NAV2: variants seen among roughly 807,000 people sequenced by gnomAD.
NAV2 encodes neuron navigator 2.
Under a neutral mutation model 223.2 loss-of-function variants are expected in NAV2, and 54 were observed. That is an observed-to-expected ratio of 0.24 (90% CI 0.19 to 0.30). The LOEUF (loss-of-function observed/expected upper bound fraction) is 0.30. Among genes scored for constraint, NAV2 ranks in the 10% least tolerant of loss-of-function variants. NAV2 has a pLI of 1.00. For synonymous variants in NAV2, 1,279 were observed against 1,239.3 expected (o/e 1.03, Z -0.67); for missense variants, 2,806 against 3,147.5 (o/e 0.89, Z 2.60).
intron 1 of NAV2, among the ~76,000 whole-genome samples, chr11:19,733,679 G>A (rs529687020): frequency 7.9e-5 from 12 of 152,240 alleles, no homozygotes; most frequent in African/African-American, 2.6e-4. Context: ...GAGGAAAGAG[G>A]GTTTTTCAAG....
Position 19,587,057 on chromosome 11 carries a change from C to G in NAV2, c.75+236030C>G, listed in dbSNP as rs562068586. ...CGAGCTTCACGGCCGCTTTGTTTACCTACTCAAGCCTCAGCAATGGTGGAC... is the reference window on the plus strand; with the variant it reads ...CGAGCTTCACGGCCGCTTTGTTTACGTACTCAAGCCTCAGCAATGGTGGAC... On this transcript the variant is annotated intron_variant, in intron 1 of 37. Transcript: ENST00000360655. Among the ~76,000 whole-genome samples, 163 of 152,342 alleles carry G rather than the reference C, an allele frequency of 1.1e-3. 2 individuals carry two copies. The highest frequency in any genetic ancestry group is 4.5e-3 in the Admixed American group (69 of 15,308).
chr11:19,679,651 G>A (rs2048823292), intron 1 of NAV2, among the ~76,000 whole-genome samples: 1 of 152,076 alleles, frequency 6.6e-6, no homozygotes, highest in African/African-American at 2.4e-5. Context: ...GTCCTTTAGG[G>A]AACCCTGGTT....
chr11:20,053,366 A>G (rs1458131963), intron 17 of NAV2, among the ~76,000 whole-genome samples: 1 of 152,156 alleles, frequency 6.6e-6, no homozygotes, highest in South Asian at 2.1e-4. Flanking sequence ...CTGAATGTAA[A>G]ATAGGAATAA....
chr11:20,114,541 C>A, intron 36 of NAV2, 51 bp from the exon 37 acceptor site: 1 of 1,568,558 alleles, frequency 6.4e-7, no homozygotes, highest in Non-Finnish European at 8.7e-7. Flanking sequence ...ACTGGGGCTA[C>A]GAGAGAGATC....
At chr11:20,068,971 GAAACA>G (rs966102791) in intron 22 of NAV2, among the ~76,000 whole-genome samples, 1 of 151,928 alleles carries the variant, frequency 6.6e-6, no homozygotes, top group Non-Finnish European at 1.5e-5. Context: ...GGACAGCAGA[GAAACA>G]AAACAAACAA....
chr11:19,979,904 GTT>G (rs1047583200), intron 10 of NAV2, among the ~76,000 whole-genome samples: 5 of 152,212 alleles, frequency 3.3e-5, no homozygotes, highest in Non-Finnish European at 7.3e-5. Context: ...CCACAGCTCT[GTT>G]TTCCTCATCT....
Position 19,880,092 on chromosome 11 carries a change from T to A in NAV2, c.735T>A (p.His245Gln). Residue 245 changes from histidine (H) to glutamine (Q), a missense_variant, in exon 5 of 38, where the codon CAT becomes CAA. His to Gln is a conservative substitution (Grantham distance 24). Transcript: ENST00000349880. ...GCCAGCCTCACCAGCCAGCGCCACA[T>A]CAGCAGTCAAAAGCACAAGCTGAAA... ...APCQPHQPAPHQQSKAQAEMQ... is the reference protein window; with the variant it reads ...APCQPHQPAPQQQSKAQAEMQ... 1 of 1,606,852 alleles carries A rather than the reference T, an allele frequency of 6.2e-7. No homozygotes were observed. The highest frequency in any genetic ancestry group is 8.5e-7 in the Non-Finnish European group (1 of 1,175,312).
intron 1 of NAV2, among the ~76,000 whole-genome samples, chr11:19,552,329 A>C (rs915228375): frequency 4.6e-5 from 7 of 152,300 alleles, no homozygotes; most frequent in Admixed American, 3.9e-4. Flanking sequence ...GGGAATTCAC[A>C]GTTTACAGTC....
At chr11:20,057,615 A>G (rs988685449) in intron 19 of NAV2, among the ~76,000 whole-genome samples, 1 of 152,224 alleles carries the variant, frequency 6.6e-6, no homozygotes, top group African/African-American at 2.4e-5. Context: ...CTGGCCAAGC[A>G]TCGCCACAGA....
Position 19,832,716 on chromosome 11 carries a change from C to A in NAV2, c.385+115C>A, listed in dbSNP as rs2060012166. 3 of 792,878 alleles carry A rather than the reference C, an allele frequency of 3.8e-6. No homozygotes were observed. The African/African-American group carries it at 5.2e-5, about 14-fold the overall frequency. The allele number at this position is 792,878 out of a possible 1,614,324, so 49.1% of individuals were successfully genotyped here. On this transcript the variant is annotated intron_variant, in intron 2 of 37. Coordinates refer to ENST00000349880, the MANE Select transcript of NAV2 (RefSeq NM_145117.5). ...CAGAAGGCAGCTTTCTGTCTCATGTCTTGACAATTTATTTGATTTGTGTTT... is the reference window on the plus strand; with the variant it reads ...CAGAAGGCAGCTTTCTGTCTCATGTATTGACAATTTATTTGATTTGTGTTT...
intron 11 of NAV2, among the ~76,000 whole-genome samples, chr11:20,000,469 C>T (rs1413381210): frequency 1.3e-5 from 2 of 152,090 alleles, no homozygotes; most frequent in South Asian, 2.1e-4. Context: ...CCCGGGGTAC[C>T]GACCAGGAAG....
chr11:19,830,153 A>T (rs1490450094), intron 1 of NAV2, among the ~76,000 whole-genome samples: 2 of 152,034 alleles, frequency 1.3e-5, no homozygotes, highest in East Asian at 3.9e-4. Flanking sequence ...TGAACCCGGG[A>T]GGCGGAGGTT....
intron 10 of NAV2, among the ~76,000 whole-genome samples, chr11:19,954,370 C>T (rs1055042634): frequency 7.9e-5 from 12 of 152,048 alleles, no homozygotes; most frequent in East Asian, 1.9e-4. Flanking sequence ...GGGGAGACTC[C>T]GTTCTTCAGA....
chr11:19,594,494 GGCT>G (rs1386883363), intron 1 of NAV2, among the ~76,000 whole-genome samples: 2 of 151,786 alleles, frequency 1.3e-5, no homozygotes, highest in African/African-American at 2.4e-5. Context: ...CATAGAAGCA[GGCT>G]GCTGCTGCTG....
At chr11:20,071,360 T>C (rs2059396312) in intron 22 of NAV2, among the ~76,000 whole-genome samples, 1 of 152,180 alleles carries the variant, frequency 6.6e-6, no homozygotes, top group Admixed American at 6.5e-5. Context: ...CACTCTATCA[T>C]TGATGGGCAT....
In NAV2 at chr11:20,024,255, C is replaced by T. The variant is rs1320112455; in HGVS notation, c.2769-11704C>T. 3.3e-5 allele frequency among the ~76,000 whole-genome samples: 5 copies of T among 152,188 alleles called. No individual in the cohort carries two copies. The East Asian group carries it at 5.8e-4, about 18-fold the overall frequency. Reference sequence around the variant, plus strand: ...AGGAAGAGGGCTGTGTATTAAGAAGCAGCCCTGCTTTGGCAGTAGGACCTA... The same window carrying T: ...AGGAAGAGGGCTGTGTATTAAGAAGTAGCCCTGCTTTGGCAGTAGGACCTA... On this transcript the variant is annotated intron_variant, in intron 11 of 37. Coordinates refer to ENST00000349880, the MANE Select transcript of NAV2 (RefSeq NM_145117.5).
intron 1 of NAV2, among the ~76,000 whole-genome samples, chr11:19,620,909 G>T (rs1361268575): frequency 6.6e-6 from 1 of 152,134 alleles, no homozygotes; most frequent in East Asian, 1.9e-4. Context: ...GTCATAAATA[G>T]CTCTTATTAT....
chr11:19,497,253 G>A (rs993402683), intron 1 of NAV2, among the ~76,000 whole-genome samples: 7 of 152,214 alleles, frequency 4.6e-5, no homozygotes, highest in African/African-American at 1.4e-4. Context: ...GATTGAATGA[G>A]TTAATGTTTG....
chr11:19,939,850 C>G, intron 8 of NAV2, 77 bp downstream of exon 8: 1 of 974,692 alleles, frequency 1.0e-6, no homozygotes. Context: ...ACAGCATGAA[C>G]CCAGCTTGAT....
Sources: allele counts gnomAD v4.1 joint callset (sites outside exome capture counted in the v4.1 genomes callset), GRCh38; gene constraint gnomAD v4.1.1; transcripts MANE v1.5; gene names NCBI Gene and HGNC (gene_info 2026-07-23, HGNC 2026-07-21).